OSBP: variants seen among roughly 807,000 people sequenced by gnomAD.
OSBP encodes oxysterol-binding protein 1.
A neutral mutation model predicts 96.6 loss-of-function variants in OSBP; 32 were observed. The observed-to-expected ratio is 0.33, with a 90% confidence interval of 0.25 to 0.45. The LOEUF is 0.45. Among genes scored for constraint, OSBP ranks in the 20% least tolerant of loss-of-function variants. OSBP has a pLI of 1.00. For synonymous variants in OSBP, 369 were observed against 389.6 expected (o/e 0.95, Z 0.62); for missense variants, 653 against 1,029.7 (o/e 0.63, Z 5.01).
chr11:59,598,630 C>T (rs1011495750), intron 7 of OSBP, among the ~76,000 whole-genome samples: 3 of 152,186 alleles, frequency 2.0e-5, no homozygotes, highest in Non-Finnish European at 2.9e-5. Flanking sequence ...AGCTCTGTCA[C>T]CCAGGCTGGA....
intron 7 of OSBP, among the ~76,000 whole-genome samples, chr11:59,598,092 A>G (rs959214567): frequency 3.3e-5 from 5 of 152,232 alleles, no homozygotes; most frequent in African/African-American, 1.2e-4. Context: ...CTCCTGCCTC[A>G]GTCTCCCAAG....
At chr11:59,581,609 T>C (rs1860421850) in intron 9 of OSBP, 55 bp from the exon 10 acceptor site, 1 of 914,934 alleles carries the variant, frequency 1.1e-6, no homozygotes, top group Non-Finnish European at 1.8e-6. Context: ...AATAGCACCA[T>C]GCAGCCTCAA....
Position 59,576,726 on chromosome 11 carries a change from G to A in OSBP, c.2282-7C>T. On this transcript the variant is annotated splice_region_variant and splice_polypyrimidine_tract_variant and intron_variant, in intron 13 of 13. Coordinates refer to ENST00000263847, the MANE Select transcript of OSBP (RefSeq NM_002556.3). ...TAGGGATCATATGGTGTGCCTAAAA[G>A]GAAAAGAGAGGAAAGAAAAAAATTA... is the stretch of plus-strand genomic sequence containing the variant. 2 of 1,611,674 alleles carry A rather than the reference G, an allele frequency of 1.2e-6. No homozygotes were observed. Among genetic ancestry groups the A allele is most frequent in the Non-Finnish European group, 1.7e-6 (2 of 1,179,376 alleles).
chr11:59,614,427 A>T (rs752755212), intron 1 of OSBP, among the ~76,000 whole-genome samples: 2 of 152,180 alleles, frequency 1.3e-5, no homozygotes, highest in Non-Finnish European at 2.9e-5. Flanking sequence ...CCTGTCCCCA[A>T]ATCACCTATC....
chr11:59,600,693 C>A, intron 6 of OSBP, 66 bp from the exon 7 acceptor site: 1 of 1,579,912 alleles, frequency 6.3e-7, no homozygotes, highest in Non-Finnish European at 8.6e-7. Flanking sequence ...TATAACCTTC[C>A]CTTCCCCCGT....
At chr11:59,581,624 G>C in intron 9 of OSBP, 70 bp from the exon 10 acceptor site, 1 of 762,846 alleles carries the variant, frequency 1.3e-6, no homozygotes, top group South Asian at 1.5e-5. Flanking sequence ...CCTCAAAACA[G>C]TAATGGATTA....
intron 3 of OSBP, among the ~76,000 whole-genome samples, chr11:59,605,527 C>T (rs1860771672): frequency 6.6e-6 from 1 of 152,012 alleles, no homozygotes. Context: ...ATTCTCATGC[C>T]TCAGTCACCA....
intron 7 of OSBP, among the ~76,000 whole-genome samples, chr11:59,595,928 A>G (rs1860645194): frequency 6.6e-6 from 1 of 150,924 alleles, no homozygotes; most frequent in Non-Finnish European, 1.5e-5. Context: ...TGGGCAACAG[A>G]GCGAGACTCT....
intron 9 of OSBP, among the ~76,000 whole-genome samples, chr11:59,591,646 G>T (rs1309429497): frequency 7.0e-6 from 1 of 142,308 alleles, no homozygotes; most frequent in Non-Finnish European, 1.5e-5. Context: ...TTTTTGAGGA[G>T]TTCTGCTCTT....
intron 2 of OSBP, among the ~76,000 whole-genome samples, chr11:59,610,088 T>C (rs767474374): frequency 2.0e-4 from 31 of 152,178 alleles, no homozygotes; most frequent in Non-Finnish European, 3.7e-4. Flanking sequence ...TGGTATATTA[T>C]AGGAGGTTCA....
chr11:59,605,629 A>G (rs1455352482), intron 3 of OSBP, among the ~76,000 whole-genome samples: 1 of 151,934 alleles, frequency 6.6e-6, no homozygotes, highest in Non-Finnish European at 1.5e-5. Context: ...CAGGTGATCC[A>G]CTCGACTCGG....
Position 59,593,728 on chromosome 11 carries a change from G to A in OSBP, c.1558-4C>T. Reference sequence around the variant, plus strand: ...CAGCAGGGGGATGATGACTCACCTTGAAGAAATCAGGTTCAAATTAAGACG... The same window carrying A: ...CAGCAGGGGGATGATGACTCACCTTAAAGAAATCAGGTTCAAATTAAGACG... On this transcript the variant is annotated splice_region_variant and splice_polypyrimidine_tract_variant and intron_variant, in intron 8 of 13. Transcript: ENST00000263847. The A allele has an allele frequency of 6.2e-7, 1 of 1,613,956 alleles. No homozygotes were observed. The highest frequency in any genetic ancestry group is 8.5e-7 in the Non-Finnish European group (1 of 1,179,912).
At position 59,574,427 on chromosome 11, in the gene OSBP, G is replaced by T. The variant is rs1011163361; in HGVS notation, c.*2150C>A. Reference sequence around the variant, plus strand: ...TTTTAAAAAATTATTTAATTTAGTAGTTTTTTTTTTTTGGAAAAAAATCAA... The same window carrying T: ...TTTTAAAAAATTATTTAATTTAGTATTTTTTTTTTTTTGGAAAAAAATCAA... On this transcript the variant is annotated 3_prime_UTR_variant, in exon 14 of 14. Coordinates refer to ENST00000263847, the MANE Select transcript of OSBP (RefSeq NM_002556.3). The T allele has an allele frequency of 4.1e-5, 6 of 144,880 alleles. No homozygotes were observed. Among genetic ancestry groups the T allele is most frequent in the African/African-American group, 1.3e-4 (5 of 39,806 alleles). The allele number at this position is 144,880 out of a possible 1,614,324, so 9.0% of individuals were successfully genotyped here. A position where few individuals can be genotyped will look rare whatever the true frequency, so the allele number is the denominator to read the frequency against.
chr11:59,578,397 TG>T (rs1460263065), intron 11 of OSBP, 67 bp from the exon 12 acceptor site: 9 of 1,467,786 alleles, frequency 6.1e-6, no homozygotes, highest in Non-Finnish European at 7.5e-6. Flanking sequence ...CTGACTATAC[TG>T]GAAGTCCTAG....
intron 3 of OSBP, 44 bp from the exon 4 acceptor site, chr11:59,601,882 G>A: frequency 1.3e-6 from 2 of 1,574,918 alleles, no homozygotes; most frequent in Non-Finnish European, 1.7e-6. Flanking sequence ...ACTAGTCAGA[G>A]TTTCCCCTCA....
chr11:59,601,520 T>C (rs1428283530), intron 4 of OSBP, 120 bp downstream of exon 4: 2 of 1,149,196 alleles, frequency 1.7e-6, no homozygotes, highest in Non-Finnish European at 2.6e-6. Context: ...AATAAATCAA[T>C]GGGTTCCAAT....
rs554831540 is a variant in OSBP, at chr11:59,612,290, G to A, written c.363-1701C>T. 7.2e-5 allele frequency among the ~76,000 whole-genome samples: 11 copies of A among 152,186 alleles called. No homozygotes were observed. In the South Asian group the frequency reaches 2.1e-3, roughly 29 times the overall value. On this transcript the variant is annotated intron_variant, in intron 1 of 13. Transcript: ENST00000263847. ...ACCTGCCACACTGTAACATGAATCCGTTTTTTCTATTCTTACCTCCCCACC... is the reference window on the plus strand; with the variant it reads ...ACCTGCCACACTGTAACATGAATCCATTTTTTCTATTCTTACCTCCCCACC...
intron 9 of OSBP, among the ~76,000 whole-genome samples, chr11:59,585,794 T>G (rs894918130): frequency 1.3e-5 from 2 of 152,346 alleles, no homozygotes; most frequent in South Asian, 4.1e-4. Flanking sequence ...GAAGTATACA[T>G]GGGAGACTTT....
chr11:59,610,866 C>T lies in OSBP; in HGVS notation c.363-277G>A, dbSNP rs76951138. 3.1e-3 allele frequency among the ~76,000 whole-genome samples: 468 copies of T among 148,962 alleles called. 2 individuals are homozygous for T. Among genetic ancestry groups the T allele is most frequent in the African/African-American group, 0.01 (419 of 40,302 alleles). ...TCCTTTTAGAAATAGGCTTTACAGG[C>T]CGGGCACCCGTAATCCCAGCACTTT... On this transcript the variant is annotated intron_variant, in intron 1 of 13. Coordinates refer to ENST00000263847, the MANE Select transcript of OSBP (RefSeq NM_002556.3).
Sources: allele counts gnomAD v4.1 joint callset (sites outside exome capture counted in the v4.1 genomes callset), GRCh38; gene constraint gnomAD v4.1.1; transcripts MANE v1.5; gene names NCBI Gene and HGNC (gene_info 2026-07-23, HGNC 2026-07-21).